The following DPP10 variants were observed in gnomAD, a reference collection of about 807,000 sequenced individuals.
The protein encoded by DPP10 is dipeptidyl peptidase like 10, also known as inactive dipeptidyl peptidase 10.
In DPP10, 33 loss-of-function variants were observed where a neutral mutation model predicts 120.9. That is an observed-to-expected ratio of 0.27 (90% CI 0.21 to 0.37). The LOEUF is 0.37. Ranked by LOEUF, DPP10 falls within the 10% of genes least tolerant of loss-of-function variation. DPP10 has a pLI of 1.00. For missense variants in DPP10, 816 were observed against 942.8 expected (o/e 0.87, Z 1.76); for synonymous variants, 337 against 326.1 (o/e 1.03, Z -0.36).
intron 1 of DPP10, among the ~76,000 whole-genome samples, chr2:114,834,228 G>A (rs1344835757): frequency 2.1e-3 from 201 of 97,268 alleles, no homozygotes; most frequent in Non-Finnish European, 2.6e-3. Flanking sequence ...TATATATATA[G>A]GCCATATCTA....
intron 2 of DPP10, 51 bp from the exon 3 acceptor site, chr2:115,343,766 T>A: frequency 6.6e-6 from 9 of 1,358,450 alleles, no homozygotes; most frequent in Non-Finnish European, 8.2e-6. Context: ...TTGCTCCTTT[T>A]AAAAAACAAG....
At chr2:115,497,894 G>A (rs772212035) in intron 3 of DPP10, among the ~76,000 whole-genome samples, 22 of 152,108 alleles carry the variant, frequency 1.4e-4, no homozygotes, top group African/African-American at 1.9e-4. Flanking sequence ...TATTGTTTAT[G>A]TAAATCTGTT....
chr2:115,467,103 C>T (rs1228152093), intron 3 of DPP10, among the ~76,000 whole-genome samples: 4 of 151,900 alleles, frequency 2.6e-5, no homozygotes, highest in East Asian at 1.9e-4. Context: ...ATTTGGAAGG[C>T]GTGGGGAAAA....
At chr2:115,484,859 T>C (rs543731468) in intron 3 of DPP10, among the ~76,000 whole-genome samples, 7 of 152,194 alleles carry the variant, frequency 4.6e-5, no homozygotes, top group African/African-American at 1.7e-4. Flanking sequence ...CTACCTAAAA[T>C]AGAAAATGGT....
chr2:115,139,724 T>TAAAAAAAAAAAAAAAAAAAA (rs55826687), intron 1 of DPP10, among the ~76,000 whole-genome samples: 7 of 56,636 alleles, frequency 1.2e-4, no homozygotes, highest in East Asian at 7.0e-4. Context: ...GTAAAAATAC[T>TAAAAAAAAAAAAAAAAAAAA]AAAAAAAAAA....
At chr2:114,819,238 A>C (rs1211515147) in intron 1 of DPP10, among the ~76,000 whole-genome samples, 1 of 151,810 alleles carries the variant, frequency 6.6e-6, no homozygotes, top group Non-Finnish European at 1.5e-5. Context: ...TCAAGGAAAA[A>C]GGAAGTTTCA....
chr2:114,959,473 G>A (rs1698453642), intron 1 of DPP10, among the ~76,000 whole-genome samples: 2 of 152,130 alleles, frequency 1.3e-5, no homozygotes, highest in Admixed American at 6.5e-5. Flanking sequence ...TCATTCATCA[G>A]CTGATGAACA....
chr2:115,589,247 A>G, intron 5 of DPP10, among the ~76,000 whole-genome samples: 1 of 152,206 alleles, frequency 6.6e-6, no homozygotes. Context: ...AGATTGTTGT[A>G]TTAATCCATT....
intron 1 of DPP10, among the ~76,000 whole-genome samples, chr2:114,870,108 A>C (rs1436007425): frequency 6.6e-6 from 1 of 152,176 alleles, no homozygotes; most frequent in Non-Finnish European, 1.5e-5. Flanking sequence ...CATGGATCTC[A>C]ACAAAAAATA....
intron 1 of DPP10, among the ~76,000 whole-genome samples, chr2:114,945,445 A>G (rs1416686646): frequency 6.6e-6 from 1 of 152,218 alleles, no homozygotes; most frequent in Admixed American, 6.5e-5. Context: ...ACATCTCACC[A>G]ATGAAAGTAC....
At chr2:114,865,202 A>G (rs2106543462) in intron 1 of DPP10, among the ~76,000 whole-genome samples, 1 of 152,356 alleles carries the variant, frequency 6.6e-6, no homozygotes, top group South Asian at 2.1e-4. Context: ...GGTAGAGTTC[A>G]GTTTCACTGC....
chr2:115,503,627 T>C (rs558802207), intron 4 of DPP10, among the ~76,000 whole-genome samples: 2 of 152,290 alleles, frequency 1.3e-5, no homozygotes, highest in Non-Finnish European at 1.5e-5. Context: ...TAAGATTTGG[T>C]CTACTCAGTA....
In DPP10 at chr2:115,202,960, CAAAA is replaced by C. The variant is rs531481345; in HGVS notation, c.61-106276_61-106273del. 2.9e-3 allele frequency among the ~76,000 whole-genome samples: 435 copies of C among 150,498 alleles called. 1 individual carries two copies. The highest frequency in any genetic ancestry group is 0.01 in the Middle Eastern group (3 of 288). Reference sequence around the variant, plus strand: ...AAACGTTGAGAAACAAACAAACAAACAAAAAACAACAACAACAAAAAATCTTTTG... The same window carrying C: ...AAACGTTGAGAAACAAACAAACAAACAACAACAACAACAAAAAATCTTTTG... On this transcript the variant is annotated intron_variant, in intron 1 of 25. Coordinates refer to ENST00000410059, the MANE Select transcript of DPP10 (RefSeq NM_020868.6).
intron 1 of DPP10, among the ~76,000 whole-genome samples, chr2:114,711,243 C>A (rs1464597214): frequency 6.6e-6 from 1 of 152,160 alleles, no homozygotes; most frequent in Non-Finnish European, 1.5e-5. Flanking sequence ...CCCCAGAAAA[C>A]TTTTATTCTG....
Position 115,592,438 on chromosome 2 carries a change from G to A in DPP10, c.441+66466G>A, listed in dbSNP as rs1195179706. Reference sequence around the variant, plus strand: ...TTAGTTCTAGGAAAGGCATACAAAAGGCCTTAGTAAGCTGAGCGTGGTGGC... The same window carrying A: ...TTAGTTCTAGGAAAGGCATACAAAAAGCCTTAGTAAGCTGAGCGTGGTGGC... On this transcript the variant is annotated intron_variant, in intron 5 of 25. Transcript: ENST00000410059. Among the ~76,000 whole-genome samples, 8 of 152,042 alleles carry A rather than the reference G, an allele frequency of 5.3e-5. No individual in the cohort carries two copies. In the East Asian group the frequency reaches 1.6e-3, roughly 30 times the overall value.
chr2:114,774,752 T>A (rs2106166138), intron 1 of DPP10, among the ~76,000 whole-genome samples: 1 of 151,434 alleles, frequency 6.6e-6, no homozygotes. Flanking sequence ...TTCAACAACA[T>A]TAGTTGGCTA....
intron 1 of DPP10, among the ~76,000 whole-genome samples, chr2:115,243,734 C>T (rs1229793635): frequency 1.3e-5 from 2 of 151,198 alleles, no homozygotes; most frequent in Non-Finnish European, 2.9e-5. Context: ...AAGATGTTGA[C>T]TTTTCTTCTT....
intron 21 of DPP10, among the ~76,000 whole-genome samples, chr2:115,821,842 T>A (rs564616889): frequency 6.6e-6 from 1 of 152,190 alleles, no homozygotes; most frequent in African/African-American, 2.4e-5. Flanking sequence ...ACGTGTACGC[T>A]TGTTTTTGTG....
intron 8 of DPP10, among the ~76,000 whole-genome samples, chr2:115,730,222 T>C (rs890756455): frequency 2.0e-5 from 3 of 152,064 alleles, no homozygotes; most frequent in African/African-American, 7.2e-5. Context: ...TAATGAGCAA[T>C]GGAACTAGGG....
Sources: allele counts gnomAD v4.1 joint callset (sites outside exome capture counted in the v4.1 genomes callset), GRCh38; gene constraint gnomAD v4.1.1; transcripts MANE v1.5; gene names NCBI Gene and HGNC (gene_info 2026-07-23, HGNC 2026-07-21).